Variants in CACNA2D1 observed in about 807,000 individuals in gnomAD.
The protein encoded by CACNA2D1 is voltage-dependent calcium channel subunit alpha-2/delta-1.
A neutral mutation model predicts 171.5 loss-of-function variants in CACNA2D1; 53 were observed. That is an observed-to-expected ratio of 0.31 (90% confidence interval 0.25 to 0.39). The LOEUF is 0.39. CACNA2D1 is among the 10% of genes least tolerant of loss of function. The probability of loss-of-function intolerance (pLI) is 1.00; values close to 1 mark genes in which losing one functional copy is unlikely to be tolerated. For synonymous variants in CACNA2D1, 442 were observed against 443.1 expected (o/e 1.00, Z 0.03); for missense variants, 903 against 1,299.8 (o/e 0.69, Z 4.69).
At chr7:82,059,194 T>C (rs1322185280) in intron 10 of CACNA2D1, among the ~76,000 whole-genome samples, 1 of 152,156 alleles carries the variant, frequency 6.6e-6, no homozygotes, top group Non-Finnish European at 1.5e-5. Flanking sequence ...TTCACATCTC[T>C]ATGAATATAT....
chr7:82,273,590 T>G (rs2190522), intron 3 of CACNA2D1, among the ~76,000 whole-genome samples: 47,241 of 152,014 alleles, frequency 0.31, 8,192 homozygotes, highest in Non-Finnish European at 0.39. Context: ...TGGCCTCAAG[T>G]GATCCTCCTG....
intron 2 of CACNA2D1, among the ~76,000 whole-genome samples, chr7:82,337,751 A>G (rs764000727): frequency 6.6e-6 from 1 of 152,146 alleles, no homozygotes; most frequent in Non-Finnish European, 1.5e-5. Flanking sequence ...TCTCTACTAG[A>G]AAGAATGTAG....
intron 1 of CACNA2D1, among the ~76,000 whole-genome samples, chr7:82,405,805 T>A (rs562956809): frequency 2.6e-5 from 4 of 152,166 alleles, no homozygotes; most frequent in South Asian, 2.1e-4. Flanking sequence ...CTGTGCTACA[T>A]ACAAAAAGAA....
intron 21 of CACNA2D1, among the ~76,000 whole-genome samples, chr7:81,989,932 G>A (rs1584311817): frequency 1.3e-5 from 2 of 152,130 alleles, no homozygotes; most frequent in South Asian, 4.1e-4. Context: ...TACTGCAGTT[G>A]GGCTACTAGC....
intron 7 of CACNA2D1, among the ~76,000 whole-genome samples, chr7:82,068,874 A>G (rs1412731342): frequency 6.6e-6 from 1 of 152,190 alleles, no homozygotes; most frequent in South Asian, 2.1e-4. Context: ...ATATATTACT[A>G]TATTCCATAA....
intron 5 of CACNA2D1, among the ~76,000 whole-genome samples, chr7:82,119,850 C>G (rs910655562): frequency 1.3e-5 from 2 of 152,100 alleles, no homozygotes; most frequent in Non-Finnish European, 2.9e-5. Context: ...ATGGAAGTAT[C>G]ACAATTTGTA....
At chr7:82,321,253 G>C (rs1350236086) in intron 3 of CACNA2D1, among the ~76,000 whole-genome samples, 1 of 151,864 alleles carries the variant, frequency 6.6e-6, no homozygotes, top group Non-Finnish European at 1.5e-5. Context: ...ACAAAAATTA[G>C]CCCGGCATGG....
intron 1 of CACNA2D1, among the ~76,000 whole-genome samples, chr7:82,435,030 CT>C (rs764179836): frequency 3.2e-3 from 270 of 84,346 alleles, no homozygotes; most frequent in African/African-American, 9.5e-3. Context: ...TCTTCAGATA[CT>C]TTTTTTTTTT....
At chr7:82,125,957 G>C (rs926176211) in intron 5 of CACNA2D1, among the ~76,000 whole-genome samples, 6 of 152,136 alleles carry the variant, frequency 3.9e-5, no homozygotes, top group African/African-American at 1.4e-4. Flanking sequence ...TTGATGCTAA[G>C]ATCACTTCCA....
In CACNA2D1 at chr7:82,013,245, A is replaced by G. The variant is rs1018406675; in HGVS notation, c.1272+216T>C. Among the ~76,000 whole-genome samples, 5 of 151,932 alleles carry G rather than the reference A, an allele frequency of 3.3e-5. No individual in the cohort carries two copies. In the South Asian group the frequency reaches 1.0e-3, roughly 31 times the overall value. ...TTGTAACATCTGAAAATAACAATATACTCATTTTATTAACCTGAGTTTTGG... is the reference window on the plus strand; with the variant it reads ...TTGTAACATCTGAAAATAACAATATGCTCATTTTATTAACCTGAGTTTTGG... On this transcript the variant is annotated intron_variant, in intron 14 of 38. Coordinates refer to ENST00000356860, the MANE Select transcript of CACNA2D1 (RefSeq NM_000722.4).
intron 3 of CACNA2D1, among the ~76,000 whole-genome samples, chr7:82,316,511 A>G (rs1213109861): frequency 6.6e-6 from 1 of 152,194 alleles, no homozygotes; most frequent in East Asian, 1.9e-4. Context: ...AGACATGCTT[A>G]TAAGATTTTT....
chr7:81,947,902 A>ATAAC lies in CACNA2D1; in HGVS notation c.*2486_*2489dup, dbSNP rs1792165927. 6.6e-6 allele frequency: 1 copy of ATAAC among 151,926 alleles called. No individual in the cohort carries two copies. The highest frequency in any genetic ancestry group is 1.5e-5 in the Non-Finnish European group (1 of 67,854). The allele number at this position is 151,926 out of a possible 1,614,324, so 9.4% of individuals were successfully genotyped here. On this transcript the variant is annotated 3_prime_UTR_variant, in exon 39 of 39. Transcript: ENST00000356860. ...ATTGCATTTATGGTTGTCATAATAT[A>ATAAC]TAACTTTATAGCAGAAAATAAAGGT...
rs1317663752 is a variant in CACNA2D1, at chr7:81,947,324, TTTTG to T, written c.*3064_*3067del. On this transcript the variant is annotated 3_prime_UTR_variant, in exon 39 of 39. Transcript: ENST00000356860. ...ACTTACAAATGGCAGGAACACTGTT[TTTTG>T]TTTTTTTTTTTCCCAAGTTAAGCAG... The T allele has an allele frequency of 6.6e-6, 1 of 151,570 alleles. No individual in the cohort carries two copies. Among genetic ancestry groups the T allele is most frequent in the Non-Finnish European group, 1.5e-5 (1 of 67,790 alleles). The allele number at this position is 151,570 out of a possible 1,614,324, so 9.4% of individuals were successfully genotyped here. A position where few individuals can be genotyped will look rare whatever the true frequency, so the allele number is the denominator to read the frequency against.
intron 1 of CACNA2D1, among the ~76,000 whole-genome samples, chr7:82,405,795 C>T (rs1163837481): frequency 6.6e-6 from 1 of 152,134 alleles, no homozygotes; most frequent in African/African-American, 2.4e-5. Context: ...GTTTAGATGC[C>T]TGTGCTACAT....
chr7:82,125,288 T>A (rs1790211020), intron 5 of CACNA2D1, among the ~76,000 whole-genome samples: 1 of 152,184 alleles, frequency 6.6e-6, no homozygotes, highest in African/African-American at 2.4e-5. Flanking sequence ...TTTAGACAGA[T>A]CTTGGAATTG....
intron 1 of CACNA2D1, among the ~76,000 whole-genome samples, chr7:82,358,953 T>G: frequency 6.6e-6 from 1 of 152,184 alleles, no homozygotes; most frequent in East Asian, 1.9e-4. Flanking sequence ...ATAAAAATTA[T>G]ACTTTGGGGT....
At chr7:82,214,099 T>C (rs1389620729) in intron 3 of CACNA2D1, among the ~76,000 whole-genome samples, 1 of 152,114 alleles carries the variant, frequency 6.6e-6, no homozygotes, top group Non-Finnish European at 1.5e-5. Flanking sequence ...TAGCCAGGAC[T>C]CTACCCTCAT....
intron 12 of CACNA2D1, among the ~76,000 whole-genome samples, chr7:82,026,823 C>G (rs529199484): frequency 6.6e-6 from 1 of 151,668 alleles, no homozygotes; most frequent in Non-Finnish European, 1.5e-5. Context: ...TCTACACATA[C>G]ACATATGTCC....
intron 24 of CACNA2D1, among the ~76,000 whole-genome samples, chr7:81,976,229 G>A (rs1044898609): frequency 2.6e-5 from 4 of 152,036 alleles, no homozygotes; most frequent in Non-Finnish European, 5.9e-5. Flanking sequence ...TTGGCTATAT[G>A]GGCTCTTTTT....
Sources: allele counts gnomAD v4.1 joint callset (sites outside exome capture counted in the v4.1 genomes callset), GRCh38; gene constraint gnomAD v4.1.1; transcripts MANE v1.5; gene names NCBI Gene and HGNC (gene_info 2026-07-23, HGNC 2026-07-21).